The following LRP2 variants were observed in gnomAD, a reference collection of about 807,000 sequenced individuals.
LRP2 encodes the protein low-density lipoprotein receptor-related protein 2.
In LRP2, 172 loss-of-function variants were observed where a neutral mutation model predicts 531.0. That is an observed-to-expected ratio of 0.32 (90% confidence interval 0.29 to 0.37). The LOEUF (loss-of-function observed/expected upper bound fraction) is 0.37. Among genes scored for constraint, LRP2 ranks in the 10% least tolerant of loss-of-function variants. The probability of loss-of-function intolerance (pLI) is 1.00; values close to 1 mark genes in which losing one functional copy is unlikely to be tolerated. For missense variants in LRP2, 5,167 were observed against 5,868.3 expected, an observed-to-expected ratio of 0.88 and a Z score of 3.90; for synonymous variants, 1,992 against 2,027.6, an observed-to-expected ratio of 0.98 and a Z score of 0.47.
In LRP2 at chr2:169,216,273, C is replaced by T. The variant is rs541845057; in HGVS notation, c.5806G>A (p.Ala1936Thr). The change falls in exon 35 of 79, where the codon GCA (alanine) becomes ACA (threonine). Residue 1936 changes from alanine (A) to threonine (T), a missense_variant. Transcript: ENST00000649046. ...CATACCACTCCTCTTCCAGTGACTGCCCAGTAGAGTTTCTGCTCTTCGATG... is the reference window on the plus strand; with the variant it reads ...CATACCACTCCTCTTCCAGTGACTGTCCAGTAGAGTTTCTGCTCTTCGATG... ...LDIEEQKLYW[A>T]VTGRGVIERG... 3 of 1,613,454 alleles carry T rather than the reference C, an allele frequency of 1.9e-6. No homozygotes were observed. The African/African-American group carries it at 4.0e-5, about 22-fold the overall frequency.
chr2:169,162,151 G>C (rs1043602949), intron 63 of LRP2, among the ~76,000 whole-genome samples: 1 of 152,196 alleles, frequency 6.6e-6, no homozygotes, highest in African/African-American at 2.4e-5. Context: ...AAACAGACCA[G>C]AGTTCAAATC....
At chr2:169,294,560 G>A (rs571269949) in intron 5 of LRP2, 40 bp downstream of exon 5, 1 of 1,420,568 alleles carries the variant, frequency 7.0e-7, no homozygotes, top group East Asian at 2.3e-5. Flanking sequence ...GTATAAACCA[G>A]CTTCAGCACA....
At chr2:169,136,820 G>C (rs563362164) in intron 76 of LRP2, among the ~76,000 whole-genome samples, 1 of 152,240 alleles carries the variant, frequency 6.6e-6, no homozygotes, top group Admixed American at 6.5e-5. Flanking sequence ...AAAAAAAGAT[G>C]ACTGAGCAAC....
At chr2:169,357,474 G>A (rs1232729789) in intron 1 of LRP2, among the ~76,000 whole-genome samples, 2 of 152,036 alleles carry the variant, frequency 1.3e-5, no homozygotes, top group Admixed American at 1.3e-4. Context: ...TGGGATTACA[G>A]GTGTGCGTCA....
Position 169,191,903 on chromosome 2 carries a change from A to G in LRP2, c.8961T>C (p.Asn2987=), listed in dbSNP as rs758450272. The change falls in exon 48 of 79, where the codon AAT becomes AAC. Residue 2987 remains asparagine (N), a synonymous_variant. Transcript: ENST00000649046. ...DCTDGYDENQ[N]CTRRTCSENE... The stretch of plus-strand genomic sequence containing the variant: ...TTTCAGAGCAAGTTCTCCTGGTGCA[A>G]TTCTGATTCTCATCGTAGCCGTCAG... The G allele has an allele frequency of 6.2e-7, 1 of 1,614,150 alleles. No homozygotes were observed.
rs1574133121 is a variant in LRP2, at chr2:169,206,875, C to T, written c.6845G>A (p.Gly2282Asp). ...RYGSRYPTPY[G>D]ITVFENSIIW... ...GATAGAATTTTCAAAAACAGTGATG[C>T]CATAAGGAGTTGGGTAACGACTGCC... The change falls in exon 39 of 79, where the codon GGC becomes GAC. Residue 2282 changes from glycine (G) to aspartate (D), a missense_variant. Physicochemically the swap from Gly to Asp is moderately conservative, Grantham distance 94. Around this residue, in one of 6 missense-constraint regions of LRP2, gnomAD observed 2,811 missense variants for 3,058.0 expected, o/e 0.92. Transcript: ENST00000649046. 1 of 1,614,084 alleles carries T rather than the reference C, an allele frequency of 6.2e-7. No individual in the cohort carries two copies.
At chr2:169,191,793 T>G (rs776220868) in intron 48 of LRP2, 39 bp downstream of exon 48, 5 of 1,580,172 alleles carry the variant, frequency 3.2e-6, no homozygotes, top group South Asian at 1.1e-5. Flanking sequence ...CCCATGGACA[T>G]TTGAGGCATG....
chr2:169,360,167 A>G (rs1346897600), intron 1 of LRP2, among the ~76,000 whole-genome samples: 1 of 151,252 alleles, frequency 6.6e-6, no homozygotes, highest in African/African-American at 2.4e-5. Flanking sequence ...GAGAGAGAGA[A>G]AACCAGACAC....
chr2:169,309,781 G>A (rs1684540072), intron 3 of LRP2, among the ~76,000 whole-genome samples: 1 of 152,160 alleles, frequency 6.6e-6, no homozygotes, highest in African/African-American at 2.4e-5. Flanking sequence ...GTAGCTTGAT[G>A]GGGATGGCAT....
At chr2:169,150,740 G>A (rs1191020723) in intron 68 of LRP2, among the ~76,000 whole-genome samples, 158 bp downstream of exon 68, 1 of 152,098 alleles carries the variant, frequency 6.6e-6, no homozygotes, top group Non-Finnish European at 1.5e-5. Flanking sequence ...ATGATCTCAA[G>A]GGCATGTTAT....
chr2:169,155,051 T>C (rs886921482), intron 65 of LRP2, among the ~76,000 whole-genome samples: 2 of 152,202 alleles, frequency 1.3e-5, no homozygotes, highest in Admixed American at 6.5e-5. Context: ...GATTTTATGA[T>C]TCTTTTTAGC....
At chr2:169,312,473 G>A (rs1684640178) in intron 3 of LRP2, among the ~76,000 whole-genome samples, 2 of 152,064 alleles carry the variant, frequency 1.3e-5, no homozygotes, top group Non-Finnish European at 1.5e-5. Flanking sequence ...GCTTAGTTTG[G>A]CTGGATATGA....
intron 77 of LRP2, among the ~76,000 whole-genome samples, chr2:169,129,627 G>T (rs1470014298): frequency 6.6e-6 from 1 of 152,146 alleles, no homozygotes; most frequent in African/African-American, 2.4e-5. Flanking sequence ...ACTATTCTAA[G>T]AGTTTTACAA....
chr2:169,257,594 TAAAC>T (rs961511789), intron 17 of LRP2, among the ~76,000 whole-genome samples: 2 of 151,968 alleles, frequency 1.3e-5, no homozygotes, highest in African/African-American at 2.4e-5. Context: ...AATAAAATAA[TAAAC>T]AACGAACAGA....
intron 76 of LRP2, 50 bp downstream of exon 76, chr2:169,137,342 A>T: frequency 1.6e-6 from 2 of 1,257,478 alleles, no homozygotes; most frequent in Non-Finnish European, 1.2e-6. Flanking sequence ...TCAATAGATT[A>T]AGATCCAGCG....
At chr2:169,218,731 G>A (rs1688883225) in intron 34 of LRP2, among the ~76,000 whole-genome samples, 1 of 152,096 alleles carries the variant, frequency 6.6e-6, no homozygotes. Context: ...GAAGTGGCGT[G>A]CACTACTTGT....
chr2:169,203,064 T>A (rs1458311405), intron 42 of LRP2, 105 bp from the exon 43 acceptor site: 3 of 891,934 alleles, frequency 3.4e-6, no homozygotes, highest in Non-Finnish European at 5.5e-6. Flanking sequence ...AAATGCTCCC[T>A]AAGAAGCGCC....
intron 52 of LRP2, among the ~76,000 whole-genome samples, chr2:169,179,744 C>A (rs1040999919): frequency 6.0e-5 from 9 of 151,170 alleles, no homozygotes; most frequent in Non-Finnish European, 1.0e-4. Flanking sequence ...AAGAGTAGAA[C>A]TACAGGCACA....
rs34291900 is a variant in LRP2 at position 169,273,037 on chromosome 2, C to T, written c.2006G>A (p.Gly669Asp). The change falls in exon 15 of 79, where the codon GGC becomes GAC. Residue 669 changes from glycine to aspartate, a missense_variant. This residue lies in a region of LRP2 where 2,811 missense variants were observed against 3,058.0 expected (regional missense o/e 0.92). Coordinates refer to ENST00000649046, the MANE Select transcript of LRP2 (RefSeq NM_004525.3). The part of the protein sequence containing the change: ...ATNPCKDNNG[G>D]CEQVCVLSHR... ...GCTGAGGACACAGACCTGCTCACAG[C>T]CCCCATTGTTATCTTTACACGGATT... is the stretch of plus-strand genomic sequence containing the variant. 53,869 of 1,613,540 alleles carry T rather than the reference C, an allele frequency of 0.033. 1,040 individuals are homozygous for T. The highest frequency in any genetic ancestry group is 0.037 in the Non-Finnish European group (43,970 of 1,179,650).
Sources: gnomAD v4.1 joint callset for allele counts (sites outside exome capture counted in the v4.1 genomes callset) on GRCh38, gnomAD v4.1.1 for gene constraint, gnomAD v4.1.1 regional missense constraint, MANE v1.5 for transcripts, NCBI Gene and HGNC (gene_info 2026-07-23, HGNC 2026-07-21) for gene names.